Variants in JAG2 observed in about 807,000 individuals in gnomAD.
JAG2 encodes jagged canonical Notch ligand 2.
JAG2 carries 46 observed loss-of-function variants against 141.7 expected under a neutral mutation model. The observed-to-expected ratio is 0.32, with a 90% confidence interval of 0.26 to 0.42. The LOEUF is 0.42. JAG2 is among the 10% of genes least tolerant of loss of function. The probability of loss-of-function intolerance (pLI) is 1.00; values close to 1 mark genes in which losing one functional copy is unlikely to be tolerated. For synonymous variants in JAG2, 862 were observed against 763.5 expected (o/e 1.13, Z -2.13); for missense variants, 1,500 against 1,817.5 (o/e 0.83, Z 3.18).
chr14:105,149,802 G>A, intron 12 of JAG2, among the ~76,000 whole-genome samples: 1 of 136,552 alleles, frequency 7.3e-6, no homozygotes, highest in Non-Finnish European at 1.6e-5. Flanking sequence ...GGGTGGTAGG[G>A]AGGTGGGTGG....
At chr14:105,168,320 T>TGCC in intron 1 of JAG2, 35 bp downstream of exon 1, 2 of 621,190 alleles carry the variant, frequency 3.2e-6, no homozygotes, top group Non-Finnish European at 4.1e-6. Context: ...GTGTGCCCCG[T>TGCC]CCGCGACCCC....
chr14:105,158,012 G>A (rs587773880), intron 2 of JAG2, among the ~76,000 whole-genome samples: 5 of 152,336 alleles, frequency 3.3e-5, no homozygotes, highest in East Asian at 3.9e-4. Context: ...GCTCCCTACC[G>A]TTGGGGTGCC....
Position 105,145,803 on chromosome 14 carries a change from C to T in JAG2, c.2880G>A (p.Leu960=). The T allele has an allele frequency of 6.4e-7, 1 of 1,572,480 alleles. No homozygotes were observed. ...TATTGTCCAGGTGGCCGGAGCGTGG[C>T]AGGCAGGGGGTGCTCGGTGGCTCTT... ...GAEEPPSTPC[L]PRSGHLDNNC... is the part of the protein sequence containing the mutation. The change falls in exon 23 of 26, where the codon CTG becomes CTA. Residue 960 remains leucine (L), a synonymous_variant. Coordinates refer to ENST00000331782, the MANE Select transcript of JAG2 (RefSeq NM_002226.5).
chr14:105,165,710 G>A (rs1322939981), intron 2 of JAG2, among the ~76,000 whole-genome samples: 4 of 152,188 alleles, frequency 2.6e-5, no homozygotes, highest in South Asian at 2.1e-4. Context: ...CGAATGCAGA[G>A]CCCAGACTCC....
chr14:105,149,182 C>A lies in JAG2; in HGVS notation c.1741G>T (p.Gly581Trp). ...CCGCACCCAGCACCTCTGCAGGCCC[C>A]GCCAGGGCACGGCTCGCGGGGCACG... is the stretch of plus-strand genomic sequence containing the variant. The part of the protein sequence containing the change: ...CSVPREPCPG[G>W]ACRVIDGCGS... Residue 581 changes from glycine to tryptophan, a missense_variant, in exon 13 of 26, where the codon GGG (glycine) becomes TGG (tryptophan). Around this residue, in one of 3 missense-constraint regions of JAG2, gnomAD observed 875 missense variants for 1,202.2 expected, o/e 0.73. Coordinates refer to ENST00000331782, the MANE Select transcript of JAG2 (RefSeq NM_002226.5). 6.2e-7 allele frequency: 1 copy of A among 1,611,732 alleles called. No homozygotes were observed. Among genetic ancestry groups the A allele is most frequent in the Non-Finnish European group, 8.5e-7 (1 of 1,179,744 alleles).
chr14:105,151,069 C>T lies in JAG2; in HGVS notation c.1303G>A (p.Ala435Thr), dbSNP rs1278598790. Residue 435 changes from alanine to threonine, a missense_variant, in exon 10 of 26, where the codon GCT becomes ACT. By Grantham distance (58) the Ala-to-Thr change is moderately conservative. Around this residue, in one of 3 missense-constraint regions of JAG2, gnomAD observed 875 missense variants for 1,202.2 expected, o/e 0.73. Transcript: ENST00000331782. ...CCAATCAGGTTTTTGCAAGAAAAAGCGTTAAGGCATGGCTTCCCTTCACAC... is the reference window on the plus strand; with the variant it reads ...CCAATCAGGTTTTTGCAAGAAAAAGTGTTAAGGCATGGCTTCCCTTCACAC... Reference protein sequence around the residue: ...NECEGKPCLNAFSCKNLIGGY... With the variant: ...NECEGKPCLNTFSCKNLIGGY... 8.7e-6 allele frequency: 14 copies of T among 1,613,066 alleles called. No individual in the cohort carries two copies. The highest frequency in any genetic ancestry group is 2.2e-5 in the East Asian group (1 of 44,884).
chr14:105,155,514 G>A (rs777535137), intron 5 of JAG2, 48 bp downstream of exon 5: 13 of 1,602,832 alleles, frequency 8.1e-6, no homozygotes, highest in African/African-American at 2.7e-5. Flanking sequence ...CAGTGAGGAC[G>A]TGAGGGCAAA....
At chr14:105,157,622 G>A (rs1195604873) in intron 3 of JAG2, 84 bp downstream of exon 3, 2 of 1,262,386 alleles carry the variant, frequency 1.6e-6, no homozygotes, top group East Asian at 2.5e-5. Flanking sequence ...GCAAGGCTTT[G>A]TCCCAAGCAG....
intron 2 of JAG2, among the ~76,000 whole-genome samples, chr14:105,162,344 T>A (rs1410261332): frequency 6.7e-6 from 1 of 148,952 alleles, no homozygotes; most frequent in African/African-American, 2.5e-5. Flanking sequence ...GATTGCCTCC[T>A]CCCCAGCCCG....
At chr14:105,152,384 G>A in intron 5 of JAG2, 93 bp from the exon 6 acceptor site, 1 of 1,464,680 alleles carries the variant, frequency 6.8e-7, no homozygotes, top group African/African-American at 1.4e-5. Context: ...GCCACACCCA[G>A]GGCCGGCGGG....
chr14:105,157,529 C>T (rs890415430), intron 3 of JAG2, among the ~76,000 whole-genome samples, 177 bp downstream of exon 3: 1 of 152,212 alleles, frequency 6.6e-6, no homozygotes, highest in Non-Finnish European at 1.5e-5. Flanking sequence ...AGTGCATGCA[C>T]AGCTCTGCAA....
intron 2 of JAG2, among the ~76,000 whole-genome samples, chr14:105,165,903 C>G (rs1888894685): frequency 6.6e-6 from 1 of 152,240 alleles, no homozygotes; most frequent in South Asian, 2.1e-4. Flanking sequence ...CCGCACAGAG[C>G]TGGACCTCAG....
In JAG2 at chr14:105,155,568, T is replaced by G. The variant is rs773450420; in HGVS notation, c.782A>C (p.Glu261Ala). 1.2e-6 allele frequency: 2 copies of G among 1,612,682 alleles called. No individual in the cohort carries two copies. The highest frequency in any genetic ancestry group is 3.3e-5 in the Admixed American group (2 of 60,026). ...LLHGGCTVPG[E>A]CRCSYGWQGR... is the part of the protein sequence containing the mutation. The stretch of plus-strand genomic sequence containing the variant: ...GGGCCGGCGGCACACTCACCTGCAC[T>G]CCCCAGGCACGGTGCATCCCCCGTG... Residue 261 changes from glutamate (E) to alanine (A), a missense_variant, in exon 5 of 26, where the codon GAG becomes GCG. Coordinates refer to ENST00000331782, the MANE Select transcript of JAG2 (RefSeq NM_002226.5).
chr14:105,155,101 C>G (rs1888541128), intron 5 of JAG2, among the ~76,000 whole-genome samples: 2 of 151,154 alleles, frequency 1.3e-5, no homozygotes, highest in Admixed American at 1.3e-4. Flanking sequence ...CCACCTTGCC[C>G]AGCTACAAAC....
In JAG2 at chr14:105,167,863, T is replaced by A. The variant is rs751674430; in HGVS notation, c.311A>T (p.Tyr104Phe). The change falls in exon 2 of 26, where the codon TAC (tyrosine) becomes TTC (phenylalanine). Residue 104 changes from tyrosine to phenylalanine, a missense_variant. Tyr to Phe is a conservative substitution (Grantham distance 22). Around this residue, in one of 3 missense-constraint regions of JAG2, gnomAD observed 200 missense variants for 174.3 expected, o/e 1.15. Coordinates refer to ENST00000331782, the MANE Select transcript of JAG2 (RefSeq NM_002226.5). This position sits in a 1 kb window ranked among gnomAD's most constrained non-coding sequence, Gnocchi z 4.8. Reference sequence around the variant, plus strand: ...CCCCGCAGCGCCCGCCGGCGGCAGGTAGAAGGAGTTGCCGCCCAGCACGGG... The same window carrying A: ...CCCCGCAGCGCCCGCCGGCGGCAGGAAGAAGGAGTTGCCGCCCAGCACGGG... ...ATPVLGGNSF[Y>F]LPPAGAAGDR... 12 of 1,556,784 alleles carry A rather than the reference T, an allele frequency of 7.7e-6. No individual in the cohort carries two copies. The highest frequency in any genetic ancestry group is 1.0e-5 in the Non-Finnish European group (12 of 1,160,056).
In JAG2 at chr14:105,167,943, C is replaced by T; in HGVS notation, c.231G>A (p.Glu77=). Residue 77 remains glutamate, a synonymous_variant, in exon 2 of 26, where the codon GAG becomes GAA. Coordinates refer to ENST00000331782, the MANE Select transcript of JAG2 (RefSeq NM_002226.5). The surrounding 1 kb of genome is among the most constrained non-coding windows in gnomAD (Gnocchi z 4.8). ...CCGTGGGCGTCACCTTGGCCTGGTA[C>T]TCCTTAAGGCACACGCGCACGTACG... ...CDTYVRVCLK[E]YQAKVTPTGP... 6.2e-7 allele frequency: 1 copy of T among 1,603,048 alleles called. No homozygotes were observed. The highest frequency in any genetic ancestry group is 8.5e-7 in the Non-Finnish European group (1 of 1,177,306).
rs748033018 is a variant in JAG2 at position 105,142,932 on chromosome 14, C to A, written c.3480G>T (p.Arg1160Ser). 15 of 1,608,838 alleles carry A rather than the reference C, an allele frequency of 9.3e-6. No individual in the cohort carries two copies. The highest frequency in any genetic ancestry group is 1.2e-5 in the Non-Finnish European group (14 of 1,177,848). Residue 1160 changes from arginine (R) to serine (S), a missense_variant, in exon 26 of 26, where the codon AGG becomes AGT. By Grantham distance (110) the Arg-to-Ser change is moderately radical. Transcript: ENST00000331782. ...QCKNFTPPPR[R>S]ADEALPGPAG... ...CCGGCCCGGGCAGCGCCTCGTCCGC[C>A]CTGCGCGGCGGCGGCGTGAAGTTCT...
chr14:105,142,995 C>T lies in JAG2; in HGVS notation c.3417G>A (p.Glu1139=), dbSNP rs773749682. Residue 1139 remains glutamate (E), a synonymous_variant, in exon 26 of 26, where the codon GAG becomes GAA. Transcript: ENST00000331782. ...APLNPIRNPI[E]RPGGHKDVLY... is the part of the protein sequence containing the mutation. ...GCACGTCCTTGTGGCCCCCCGGCCG[C>T]TCAATGGGGTTGCGGATGGGGTTGA... 8 of 1,609,330 alleles carry T rather than the reference C, an allele frequency of 5.0e-6. No homozygotes were observed. Among genetic ancestry groups the T allele is most frequent in the Non-Finnish European group, 6.8e-6 (8 of 1,179,538 alleles).
Position 105,155,730 on chromosome 14 carries a change from C to A in JAG2, c.727+8G>T. 1 of 1,612,772 alleles carries A rather than the reference C, an allele frequency of 6.2e-7. No individual in the cohort carries two copies. ...CCTGCCCTCCACGCAGCCCAGCGGC[C>A]CCCTCACCTTCCTTGCACTCCTTGC... On this transcript the variant is annotated splice_region_variant and intron_variant, in intron 4 of 25. Coordinates refer to ENST00000331782, the MANE Select transcript of JAG2 (RefSeq NM_002226.5).
Sources: allele counts gnomAD v4.1 joint callset (sites outside exome capture counted in the v4.1 genomes callset), GRCh38; gene constraint gnomAD v4.1.1; regional missense constraint gnomAD v4.1.1; non-coding constraint Gnocchi (gnomAD v3.1); transcripts MANE v1.5; gene names NCBI Gene and HGNC (gene_info 2026-07-23, HGNC 2026-07-21).